The following METTL15 variants were observed in gnomAD, a reference collection of about 807,000 sequenced individuals.
The protein encoded by METTL15 is 12S rRNA N(4)-cytidine methyltransferase METTL15.
A neutral mutation model predicts 38.3 loss-of-function variants in METTL15; 34 were observed. The ratio of observed to expected loss-of-function variants is 0.89; its 90% CI spans 0.68 to 1.18. The LOEUF (loss-of-function observed/expected upper bound fraction) is 1.18. METTL15 is among the 50% of genes most tolerant of loss of function. METTL15 has a pLI of 0.00. For synonymous variants in METTL15, 162 were observed against 170.9 expected (o/e 0.95, Z 0.41); for missense variants, 438 against 498.4 (o/e 0.88, Z 1.15).
chr11:28,134,566 T>G (rs1243245153), intron 3 of METTL15: 2 of 398,394 alleles, frequency 5.0e-6, no homozygotes, highest in Non-Finnish European at 8.8e-6. Context: ...TGCGAAAAAG[T>G]GGACGAAGAC....
intron 5 of METTL15, among the ~76,000 whole-genome samples, chr11:28,376,659 A>C (rs181596102): frequency 6.6e-6 from 1 of 151,620 alleles, no homozygotes; most frequent in African/African-American, 2.4e-5. Flanking sequence ...GTCAATTTAC[A>C]TTTAAAGTTA....
intron 5 of METTL15, among the ~76,000 whole-genome samples, chr11:28,293,475 G>A (rs1856605003): frequency 6.6e-6 from 1 of 152,220 alleles, no homozygotes; most frequent in South Asian, 2.1e-4. Flanking sequence ...AGTATAGTTT[G>A]AAGTCAGGTA....
At chr11:28,251,537 T>C (rs191832619) in intron 4 of METTL15, among the ~76,000 whole-genome samples, 2 of 152,174 alleles carry the variant, frequency 1.3e-5, no homozygotes, top group African/African-American at 4.8e-5. Flanking sequence ...TGAATAAGAC[T>C]TTTTTCATAA....
chr11:28,443,405 C>T (rs1163794859), intron 6 of METTL15, among the ~76,000 whole-genome samples: 1 of 152,146 alleles, frequency 6.6e-6, no homozygotes, highest in South Asian at 2.1e-4. Flanking sequence ...TGTTCCCTAT[C>T]TGTATGCTCT....
intron 3 of METTL15, among the ~76,000 whole-genome samples, chr11:28,116,041 T>C (rs1036908710): frequency 1.3e-5 from 2 of 152,012 alleles, no homozygotes; most frequent in Admixed American, 1.3e-4. Flanking sequence ...TCTCTCTTTA[T>C]AGAAAGAGAG....
At chr11:28,420,586 C>G (rs1850810726) in intron 5 of METTL15, among the ~76,000 whole-genome samples, 2 of 152,036 alleles carry the variant, frequency 1.3e-5, no homozygotes, top group Non-Finnish European at 2.9e-5. Context: ...TGTACAAATA[C>G]ATGGATATTA....
intron 5 of METTL15, among the ~76,000 whole-genome samples, chr11:28,368,974 G>A (rs1850216680): frequency 6.6e-6 from 1 of 151,838 alleles, no homozygotes; most frequent in African/African-American, 2.4e-5. Context: ...GACATAAGGA[G>A]GGGAACATCA....
intron 6 of METTL15, among the ~76,000 whole-genome samples, chr11:28,523,638 T>G (rs573825972): frequency 6.6e-6 from 1 of 152,346 alleles, no homozygotes; most frequent in South Asian, 2.1e-4. Context: ...CAACATAAAC[T>G]TGAAATGAGG....
chr11:28,277,330 A>C (rs1213760700), intron 4 of METTL15, among the ~76,000 whole-genome samples: 2 of 152,208 alleles, frequency 1.3e-5, no homozygotes, highest in African/African-American at 4.8e-5. Context: ...GAATCAATCT[A>C]AGTGTTCATC....
chr11:28,390,197 T>TA (rs1253055788), intron 5 of METTL15, among the ~76,000 whole-genome samples: 1 of 151,982 alleles, frequency 6.6e-6, no homozygotes, highest in Non-Finnish European at 1.5e-5. Flanking sequence ...ACTCTGATGG[T>TA]AGTTTCTTTT....
At chr11:28,245,278 C>T (rs928921959) in intron 4 of METTL15, among the ~76,000 whole-genome samples, 3 of 152,234 alleles carry the variant, frequency 2.0e-5, no homozygotes, top group Non-Finnish European at 2.9e-5. Flanking sequence ...TTATCTGCCT[C>T]GTCACTTAAA....
chr11:28,201,754 C>T (rs1852126063), intron 3 of METTL15, among the ~76,000 whole-genome samples: 1 of 151,882 alleles, frequency 6.6e-6, no homozygotes, highest in African/African-American at 2.4e-5. Flanking sequence ...TACTTTGGCC[C>T]ACTGTTGTAT....
intron 6 of METTL15, among the ~76,000 whole-genome samples, chr11:28,512,984 A>G (rs1851688754): frequency 6.6e-6 from 1 of 152,146 alleles, no homozygotes; most frequent in African/African-American, 2.4e-5. Flanking sequence ...AAGAGGAGGG[A>G]TTGGTCCTGC....
intron 6 of METTL15, among the ~76,000 whole-genome samples, chr11:28,318,523 TG>T (rs1279859927): frequency 6.6e-6 from 1 of 152,198 alleles, no homozygotes; most frequent in Non-Finnish European, 1.5e-5. Context: ...ATTCTTTCAT[TG>T]CTAAAATACT....
intron 6 of METTL15, among the ~76,000 whole-genome samples, chr11:28,451,205 G>T (rs1851117568): frequency 6.6e-6 from 1 of 152,100 alleles, no homozygotes; most frequent in Non-Finnish European, 1.5e-5. Context: ...GACTACTACA[G>T]TGTCTGAGGA....
chr11:28,429,601 C>T (rs1372545259), intron 6 of METTL15, among the ~76,000 whole-genome samples: 4 of 68,738 alleles, frequency 5.8e-5, no homozygotes, highest in African/African-American at 1.2e-4. Flanking sequence ...GCAAGTGATC[C>T]GCCAGCCTTG....
downstream of METTL15, among the ~76,000 whole-genome samples, chr11:28,338,487 G>A (rs142268578): frequency 6.6e-6 from 1 of 152,080 alleles, no homozygotes; most frequent in East Asian, 1.9e-4. Flanking sequence ...TCCAAAATCA[G>A]TTTGTCTCTC....
intron 6 of METTL15, among the ~76,000 whole-genome samples, chr11:28,499,555 T>C (rs752098706): frequency 1.3e-5 from 2 of 152,230 alleles, no homozygotes; most frequent in Non-Finnish European, 2.9e-5. Context: ...CTGTAGCCAA[T>C]CTGAGATTCT....
At chr11:28,479,848 A>G (rs1590389324) in intron 6 of METTL15, among the ~76,000 whole-genome samples, 2 of 152,228 alleles carry the variant, frequency 1.3e-5, no homozygotes, top group African/African-American at 4.8e-5. Context: ...TGCACTACAC[A>G]GAATATGCAA....
Sources: allele counts gnomAD v4.1 joint callset (sites outside exome capture counted in the v4.1 genomes callset), GRCh38; gene constraint gnomAD v4.1.1; transcripts MANE v1.5; gene names NCBI Gene and HGNC (gene_info 2026-07-23, HGNC 2026-07-21).